Variants in GABRB3 observed in about 807,000 individuals in gnomAD.
GABRB3 encodes the protein gamma-aminobutyric acid receptor subunit beta-3.
GABRB3 carries 14 observed loss-of-function variants against 52.1 expected under a neutral mutation model. The observed-to-expected ratio is 0.27, with a 90% CI of 0.18 to 0.42. GABRB3 has a LOEUF of 0.42. Ranked by LOEUF, GABRB3 falls within the 10% of genes least tolerant of loss-of-function variation. The probability of loss-of-function intolerance (pLI) is 1.00; values close to 1 mark genes in which losing one functional copy is unlikely to be tolerated. For missense variants in GABRB3, 307 were observed against 609.1 expected, an observed-to-expected ratio of 0.50 and a Z score of 5.22; for synonymous variants, 260 against 232.3, an observed-to-expected ratio of 1.12 and a Z score of -1.08.
chr15:26,642,727 G>C (rs905281521), intron 3 of GABRB3, among the ~76,000 whole-genome samples: 2 of 151,712 alleles, frequency 1.3e-5, no homozygotes, highest in Non-Finnish European at 2.9e-5. Context: ...AATATTGTGA[G>C]TTATTTGCGA....
chr15:26,555,553 G>C (rs1413432039), intron 8 of GABRB3, among the ~76,000 whole-genome samples: 1 of 152,194 alleles, frequency 6.6e-6, no homozygotes, highest in African/African-American at 2.4e-5. Flanking sequence ...ACTGAGGGAA[G>C]TCAAACCCAC....
chr15:26,577,377 G>C (rs1406148454), intron 6 of GABRB3, among the ~76,000 whole-genome samples: 1 of 152,130 alleles, frequency 6.6e-6, no homozygotes, highest in Non-Finnish European at 1.5e-5. Context: ...GCCAGGCATG[G>C]TGGCATGTGC....
chr15:26,730,260 A>G (rs1384611563), intron 3 of GABRB3, among the ~76,000 whole-genome samples: 1 of 152,126 alleles, frequency 6.6e-6, no homozygotes, highest in Non-Finnish European at 1.5e-5. Flanking sequence ...AATAAGACTT[A>G]CAGGATGAAT....
At chr15:26,644,365 A>G (rs993237708) in intron 3 of GABRB3, among the ~76,000 whole-genome samples, 3 of 152,210 alleles carry the variant, frequency 2.0e-5, no homozygotes, top group Admixed American at 2.0e-4. Context: ...TGCTAGGGTG[A>G]GCCCTTGTCC....
At chr15:26,726,088 C>T (rs1204267562) in intron 3 of GABRB3, among the ~76,000 whole-genome samples, 1 of 150,958 alleles carries the variant, frequency 6.6e-6, no homozygotes, top group Non-Finnish European at 1.5e-5. Flanking sequence ...AGACATATCA[C>T]AGCTGGAGGG....
At chr15:26,559,260 A>G (rs1018249465) in intron 8 of GABRB3, among the ~76,000 whole-genome samples, 1 of 152,144 alleles carries the variant, frequency 6.6e-6, no homozygotes, top group East Asian at 1.9e-4. Context: ...AGTATGTGGC[A>G]TCTTCCCCTC....
chr15:26,655,771 C>A (rs1887354371), intron 3 of GABRB3, among the ~76,000 whole-genome samples: 1 of 151,366 alleles, frequency 6.6e-6, no homozygotes, highest in East Asian at 1.9e-4. Flanking sequence ...TCGGTTTCTG[C>A]ATACCTGTGT....
chr15:26,595,483 T>C (rs1186653793), intron 4 of GABRB3, among the ~76,000 whole-genome samples: 1 of 152,164 alleles, frequency 6.6e-6, no homozygotes, highest in Non-Finnish European at 1.5e-5. Flanking sequence ...TTTTTCTTGA[T>C]TGGGCATTTG....
At chr15:26,685,074 G>A (rs1357335153) in intron 3 of GABRB3, among the ~76,000 whole-genome samples, 1 of 152,194 alleles carries the variant, frequency 6.6e-6, no homozygotes, top group Non-Finnish European at 1.5e-5. Flanking sequence ...CCTTTTCTCA[G>A]GGGTCAGATG....
intron 3 of GABRB3, chr15:26,716,813 C>A (rs989212997): frequency 9.6e-7 from 1 of 1,044,222 alleles, no homozygotes; most frequent in African/African-American, 2.2e-5. Context: ...CTCCACCCAA[C>A]CACAGCCCAG....
chr15:26,664,465 T>G (rs1390838360), intron 3 of GABRB3, among the ~76,000 whole-genome samples: 1 of 152,178 alleles, frequency 6.6e-6, no homozygotes, highest in Non-Finnish European at 1.5e-5. Flanking sequence ...ACAAGCCTCA[T>G]CTTCACTTAT....
chr15:26,694,787 C>G (rs148010149), intron 3 of GABRB3, among the ~76,000 whole-genome samples: 1 of 152,162 alleles, frequency 6.6e-6, no homozygotes, highest in Non-Finnish European at 1.5e-5. Context: ...GACTAATATG[C>G]TTAGGGCTCT....
chr15:26,554,143 A>G (rs1400728931), intron 8 of GABRB3, among the ~76,000 whole-genome samples: 1 of 30,022 alleles, frequency 3.3e-5, no homozygotes, highest in East Asian at 3.3e-4. Flanking sequence ...ATATATATAA[A>G]GTATATATAT....
chr15:26,580,466 G>T lies in GABRB3; in HGVS notation c.545-10C>A. 6.2e-7 allele frequency: 1 copy of T among 1,614,194 alleles called. No homozygotes were observed. The highest frequency in any genetic ancestry group is 8.5e-7 in the Non-Finnish European group (1 of 1,180,034). On this transcript the variant is annotated splice_polypyrimidine_tract_variant and intron_variant, in intron 5 of 8. Transcript: ENST00000311550. ...TCCGTGGTGTAGCCATCTGCCAAGA[G>T]AGAAGCAGGGAGACAGCAAACATCA...
At chr15:26,738,702 C>T (rs944586235) in intron 3 of GABRB3, among the ~76,000 whole-genome samples, 1 of 152,164 alleles carries the variant, frequency 6.6e-6, no homozygotes, top group African/African-American at 2.4e-5. Context: ...CTTGGAATTC[C>T]GTCCCAGACA....
chr15:26,758,205 C>T (rs8042817), intron 3 of GABRB3, among the ~76,000 whole-genome samples: 53,472 of 151,944 alleles, frequency 0.35, 9,783 homozygotes, highest in Non-Finnish European at 0.4. Context: ...GGCTGACTGA[C>T]GGTTCCTATT....
At chr15:26,689,196 C>A (rs576116203) in intron 3 of GABRB3, among the ~76,000 whole-genome samples, 1 of 152,188 alleles carries the variant, frequency 6.6e-6, no homozygotes, top group Non-Finnish European at 1.5e-5. Context: ...TGGCTTCCTG[C>A]GACCTCCATC....
At chr15:26,750,597 A>G (rs1890477883) in intron 3 of GABRB3, among the ~76,000 whole-genome samples, 1 of 152,238 alleles carries the variant, frequency 6.6e-6, no homozygotes, top group African/African-American at 2.4e-5. Context: ...CAAGTGAATT[A>G]AGATTAACTA....
intron 8 of GABRB3, 72 bp from the exon 9 acceptor site, chr15:26,548,206 T>C (rs1236263189): frequency 1.7e-6 from 2 of 1,160,066 alleles, no homozygotes; most frequent in Non-Finnish European, 1.3e-6. Flanking sequence ...CCGGACAGAA[T>C]GATGTCATGC....
Sources: allele counts gnomAD v4.1 joint callset (sites outside exome capture counted in the v4.1 genomes callset), GRCh38; gene constraint gnomAD v4.1.1; transcripts MANE v1.5; gene names NCBI Gene and HGNC (gene_info 2026-07-23, HGNC 2026-07-21).